Variants in CCDC73 observed in about 807,000 individuals in gnomAD.
CCDC73 encodes coiled-coil domain-containing protein 73.
A neutral mutation model predicts 116.5 loss-of-function variants in CCDC73; 95 were observed. The observed-to-expected ratio is 0.82, with a 90% confidence interval of 0.69 to 0.97. The LOEUF is 0.97. Among genes scored for constraint, CCDC73 ranks in the 50% least tolerant of loss-of-function variants. The pLI, the probability that CCDC73 is intolerant of heterozygous loss-of-function variation, is 0.00. For synonymous variants in CCDC73, 398 were observed against 401.3 expected (o/e 0.99, Z 0.10); for missense variants, 1,066 against 1,206.8 (o/e 0.88, Z 1.73).
rs542896746 is a variant in CCDC73, at chr11:32,768,482, A to G, written c.-15-8224T>C. On this transcript the variant is annotated intron_variant, in intron 1 of 17. Transcript: ENST00000335185. Reference sequence around the variant, plus strand: ...AACCTAAAGTATAGTAATAAAAAATAAAATAAAATAAAAAAAGAAAGCAAA... The same window carrying G: ...AACCTAAAGTATAGTAATAAAAAATGAAATAAAATAAAAAAAGAAAGCAAA... Among the ~76,000 whole-genome samples the G allele has an allele frequency of 4.6e-5, 7 of 152,296 alleles. No homozygotes were observed. The South Asian group carries it at 1.4e-3, about 32-fold the overall frequency.
intron 1 of CCDC73, among the ~76,000 whole-genome samples, chr11:32,769,907 T>C (rs558209553): frequency 6.6e-6 from 1 of 152,348 alleles, no homozygotes; most frequent in East Asian, 1.9e-4. Context: ...ATATCTGGAA[T>C]CTTTGTAACC....
In CCDC73 at chr11:32,635,768, A is replaced by T; in HGVS notation, c.1113T>A (p.Thr371=). 7.9e-7 allele frequency: 1 copy of T among 1,268,220 alleles called. No individual in the cohort carries two copies. Among genetic ancestry groups the T allele is most frequent in the South Asian group, 2.4e-5 (1 of 41,214 alleles). 78.6% of individuals were successfully genotyped at this position (1,268,220 alleles called of 1,614,324 possible). A position where few individuals can be genotyped will look rare whatever the true frequency, so the allele number is the denominator to read the frequency against. The part of the protein sequence containing the change: ...IKNELSSLKE[T]HIKLQEHYNK... ...TATAATGTTCTTGTAACTTAATATG[A>T]GTTTCTTTAAGGGATGATAATTCAT... The change falls in exon 14 of 18, where the codon ACT becomes ACA. Residue 371 remains threonine, a synonymous_variant. Coordinates refer to ENST00000335185, the MANE Select transcript of CCDC73 (RefSeq NM_001008391.4).
intron 6 of CCDC73, among the ~76,000 whole-genome samples, chr11:32,696,966 A>G (rs1381140352): frequency 6.6e-6 from 1 of 150,862 alleles, no homozygotes; most frequent in East Asian, 2.0e-4. Context: ...AGTAGCTAAG[A>G]CTACAGGTGC....
chr11:32,768,070 C>T (rs1444298856), intron 1 of CCDC73, among the ~76,000 whole-genome samples: 1 of 152,148 alleles, frequency 6.6e-6, no homozygotes, highest in Non-Finnish European at 1.5e-5. Flanking sequence ...TTGGAACCAA[C>T]CCAGATGTCC....
At chr11:32,634,909 C>T (rs1855664420) in intron 14 of CCDC73, among the ~76,000 whole-genome samples, 1 of 152,152 alleles carries the variant, frequency 6.6e-6, no homozygotes, top group South Asian at 2.1e-4. Context: ...ATCACTTGAG[C>T]CCAGGAGTTC....
chr11:32,650,012 A>C (rs1480962290), intron 12 of CCDC73, among the ~76,000 whole-genome samples: 1 of 152,192 alleles, frequency 6.6e-6, no homozygotes, highest in South Asian at 2.1e-4. Context: ...AAAAAGAGAG[A>C]AGCATTTGAT....
intron 14 of CCDC73, 108 bp downstream of exon 14, chr11:32,635,588 T>C (rs1190859547): frequency 2.0e-6 from 2 of 1,014,176 alleles, no homozygotes; most frequent in African/African-American, 1.7e-5. Flanking sequence ...ATGCATATAC[T>C]CATTTTTTTA....
intron 1 of CCDC73, chr11:32,794,407 C>G (rs1394982290): frequency 6.6e-6 from 1 of 152,334 alleles, no homozygotes; most frequent in Non-Finnish European, 1.5e-5. Flanking sequence ...GTGGCTGCTT[C>G]TCCTGGGTCG....
At chr11:32,630,761 C>T (rs1457889942) in intron 14 of CCDC73, among the ~76,000 whole-genome samples, 1 of 151,962 alleles carries the variant, frequency 6.6e-6, no homozygotes, top group Non-Finnish European at 1.5e-5. Flanking sequence ...CATTTTACTA[C>T]AGTAACAAAA....
At chr11:32,606,987 G>A (rs1855359956) in intron 17 of CCDC73, among the ~76,000 whole-genome samples, 1 of 151,088 alleles carries the variant, frequency 6.6e-6, no homozygotes, top group South Asian at 2.1e-4. Flanking sequence ...ATATTGGCCA[G>A]GCTGGTCTCA....
chr11:32,674,115 A>G (rs1565073023), intron 9 of CCDC73, among the ~76,000 whole-genome samples: 1 of 152,218 alleles, frequency 6.6e-6, no homozygotes, highest in Admixed American at 6.5e-5. Flanking sequence ...ACCCATATAC[A>G]TAAGCCTTCA....
rs368270111 is a variant in CCDC73, at chr11:32,761,329, T to G, written c.-15-1071A>C. 9.8e-5 allele frequency among the ~76,000 whole-genome samples: 15 copies of G among 152,320 alleles called. No homozygotes were observed. In the South Asian group the frequency reaches 2.3e-3, roughly 23 times the overall value. Reference sequence around the variant, plus strand: ...ATGAATGTATTATTTACTGAACTACTCACCCACTGAATAACATTTTAGTAG... The same window carrying G: ...ATGAATGTATTATTTACTGAACTACGCACCCACTGAATAACATTTTAGTAG... On this transcript the variant is annotated intron_variant, in intron 1 of 17. Coordinates refer to ENST00000335185, the MANE Select transcript of CCDC73 (RefSeq NM_001008391.4).
chr11:32,778,280 A>G (rs1291022193), intron 1 of CCDC73, among the ~76,000 whole-genome samples: 1 of 152,218 alleles, frequency 6.6e-6, no homozygotes, highest in African/African-American at 2.4e-5. Flanking sequence ...TTAACAAATT[A>G]CTAAAGTGTG....
At chr11:32,704,448 T>A (rs1429461179) in intron 3 of CCDC73, among the ~76,000 whole-genome samples, 1 of 152,192 alleles carries the variant, frequency 6.6e-6, no homozygotes, top group Non-Finnish European at 1.5e-5. Flanking sequence ...TGGCCCCCTC[T>A]GGAAGCTGCT....
At chr11:32,648,683 C>G (rs755275669) in intron 12 of CCDC73, among the ~76,000 whole-genome samples, 26 of 152,260 alleles carry the variant, frequency 1.7e-4, no homozygotes, top group Admixed American at 1.0e-3. Context: ...TCCCGAGTAG[C>G]TGGGATTACA....
intron 2 of CCDC73, among the ~76,000 whole-genome samples, chr11:32,721,307 G>A (rs937710842): frequency 1.3e-5 from 2 of 152,152 alleles, no homozygotes; most frequent in African/African-American, 4.8e-5. Context: ...TTACAGGAAT[G>A]AGCCACTGCA....
intron 2 of CCDC73, among the ~76,000 whole-genome samples, chr11:32,759,605 G>A (rs951156001): frequency 9.9e-5 from 15 of 151,974 alleles, no homozygotes; most frequent in African/African-American, 3.4e-4. Flanking sequence ...TTTTATACTA[G>A]ACATATCCTT....
intron 3 of CCDC73, among the ~76,000 whole-genome samples, chr11:32,705,746 G>GT (rs1849850483): frequency 6.6e-6 from 1 of 152,130 alleles, no homozygotes; most frequent in African/African-American, 2.4e-5. Context: ...ATAGTTGGAA[G>GT]TTTAACTTTC....
At chr11:32,672,734 T>C (rs1486558071) in intron 9 of CCDC73, among the ~76,000 whole-genome samples, 1 of 152,164 alleles carries the variant, frequency 6.6e-6, no homozygotes, top group African/African-American at 2.4e-5. Context: ...CCACCTCTAA[T>C]TTTCGAGGAT....
Sources: gnomAD v4.1 joint callset for allele counts (sites outside exome capture counted in the v4.1 genomes callset) on GRCh38, gnomAD v4.1.1 for gene constraint, MANE v1.5 for transcripts, NCBI Gene and HGNC (gene_info 2026-07-23, HGNC 2026-07-21) for gene names.